TECPR2: variants seen among roughly 807,000 people sequenced by gnomAD.
The protein encoded by TECPR2 is tectonin beta-propeller repeat containing 2.
A neutral mutation model predicts 138.1 loss-of-function variants in TECPR2; 65 were observed. The observed-to-expected ratio is 0.47, with a 90% CI of 0.39 to 0.58. The LOEUF is 0.58. Among genes scored for constraint, TECPR2 ranks in the 20% least tolerant of loss-of-function variants. The probability of loss-of-function intolerance (pLI) is 0.00; values close to 1 mark genes in which losing one functional copy is unlikely to be tolerated. For missense variants in TECPR2, 1,553 were observed against 1,824.5 expected, an observed-to-expected ratio of 0.85 and a Z score of 2.71; for synonymous variants, 746 against 749.8, an observed-to-expected ratio of 0.99 and a Z score of 0.08.
At chr14:102,459,746 C>T (rs1023007438) in intron 16 of TECPR2, among the ~76,000 whole-genome samples, 2 of 151,928 alleles carry the variant, frequency 1.3e-5, no homozygotes, top group Non-Finnish European at 2.9e-5. Context: ...GGGAACAGAG[C>T]GAGACTCCGT....
intron 17 of TECPR2, among the ~76,000 whole-genome samples, chr14:102,490,403 C>G (rs1040571757): frequency 2.0e-5 from 3 of 152,260 alleles, no homozygotes; most frequent in African/African-American, 7.2e-5. Context: ...AGAGCCCCAG[C>G]AGGCAGGACT....
chr14:102,419,213 G>T lies in TECPR2; in HGVS notation c.638+4420G>T, dbSNP rs547623623. ...GGACATAGCAGCTGCTGCGAGACCG[G>T]GGGCTGAGGCAGCTTCGACGGGCCT... On this transcript the variant is annotated intron_variant, in intron 5 of 19. Coordinates refer to ENST00000359520, the MANE Select transcript of TECPR2 (RefSeq NM_014844.5). This position sits in a 1 kb window ranked among gnomAD's most constrained non-coding sequence, Gnocchi z 4.8. Among the ~76,000 whole-genome samples the T allele has an allele frequency of 6.6e-6, 1 of 152,232 alleles. No individual in the cohort carries two copies. Among genetic ancestry groups the T allele is most frequent in the African/African-American group, 2.4e-5 (1 of 41,532 alleles).
At chr14:102,416,448 C>A (rs1404432657) in intron 5 of TECPR2, among the ~76,000 whole-genome samples, 1 of 152,168 alleles carries the variant, frequency 6.6e-6, no homozygotes, top group African/African-American at 2.4e-5. Flanking sequence ...ATCCCATCAA[C>A]AATCTGGCCT....
intron 2 of TECPR2, among the ~76,000 whole-genome samples, chr14:102,406,496 A>C (rs144309671): frequency 6.6e-6 from 1 of 151,992 alleles, no homozygotes; most frequent in Non-Finnish European, 1.5e-5. Context: ...CAGTGAGCCA[A>C]GGTGGCGCCA....
At chr14:102,372,247 A>G (rs1887524920) in intron 1 of TECPR2, among the ~76,000 whole-genome samples, 1 of 151,108 alleles carries the variant, frequency 6.6e-6, no homozygotes, top group Non-Finnish European at 1.5e-5. Context: ...TACTGCACCC[A>G]GCTGCCTTTG....
chr14:102,404,259 A>G (rs1888586017), intron 2 of TECPR2, among the ~76,000 whole-genome samples: 1 of 152,072 alleles, frequency 6.6e-6, no homozygotes, highest in Non-Finnish European at 1.5e-5. Flanking sequence ...AAGTTAATTC[A>G]ATACAATTTC....
intron 2 of TECPR2, among the ~76,000 whole-genome samples, chr14:102,404,658 C>A (rs1021512923): frequency 6.6e-6 from 1 of 151,344 alleles, no homozygotes; most frequent in Admixed American, 6.6e-5. Flanking sequence ...CTCACTGCAA[C>A]CTCCACCTCC....
At chr14:102,405,645 A>G (rs1378594078) in intron 2 of TECPR2, among the ~76,000 whole-genome samples, 1 of 152,224 alleles carries the variant, frequency 6.6e-6, no homozygotes, top group Non-Finnish European at 1.5e-5. Flanking sequence ...TAGAATTACC[A>G]TATGATACCA....
intron 2 of TECPR2, among the ~76,000 whole-genome samples, chr14:102,382,262 C>G (rs1027847536): frequency 1.3e-5 from 2 of 151,248 alleles, no homozygotes; most frequent in African/African-American, 4.9e-5. Flanking sequence ...CATTGCACTC[C>G]AGCCTGGGCA....
chr14:102,408,412 A>G, intron 3 of TECPR2, 76 bp from the exon 4 acceptor site: 1 of 1,489,590 alleles, frequency 6.7e-7, no homozygotes, highest in Non-Finnish European at 9.0e-7. Flanking sequence ...GTGATTGTAT[A>G]CCTTTTCCAT....
intron 7 of TECPR2, among the ~76,000 whole-genome samples, chr14:102,430,613 G>A (rs1247159490): frequency 9.2e-5 from 14 of 152,326 alleles, no homozygotes; most frequent in African/African-American, 3.4e-4. Context: ...GTGGTCTTGT[G>A]TTGAGGGTAC....
At chr14:102,446,497 G>A (rs2139747368) in intron 13 of TECPR2, among the ~76,000 whole-genome samples, 1 of 152,272 alleles carries the variant, frequency 6.6e-6, no homozygotes, top group Middle Eastern at 3.4e-3. Flanking sequence ...TACTCGGAAG[G>A]CTGAGGTGGG....
chr14:102,480,985 C>T (rs1475610822), intron 17 of TECPR2, among the ~76,000 whole-genome samples: 6 of 149,978 alleles, frequency 4.0e-5, no homozygotes, highest in African/African-American at 1.5e-4. Flanking sequence ...GCTGGGAGTA[C>T]AGGCACCCGC....
intron 2 of TECPR2, among the ~76,000 whole-genome samples, chr14:102,384,711 G>A (rs1217050680): frequency 1.3e-5 from 2 of 149,492 alleles, no homozygotes; most frequent in South Asian, 2.1e-4. Flanking sequence ...GTGTGTGTGT[G>A]TGTATATATA....
intron 17 of TECPR2, among the ~76,000 whole-genome samples, chr14:102,471,780 A>G (rs1401185496): frequency 3.3e-5 from 5 of 152,044 alleles, no homozygotes; most frequent in African/African-American, 4.8e-5. Flanking sequence ...AGGTTTGTCA[A>G]TTTTGTTGCT....
chr14:102,482,992 C>T (rs1246225069), intron 17 of TECPR2, among the ~76,000 whole-genome samples: 10 of 151,170 alleles, frequency 6.6e-5, no homozygotes, highest in African/African-American at 1.7e-4. Context: ...TACAGGCGCC[C>T]GCTACCACGC....
intron 2 of TECPR2, among the ~76,000 whole-genome samples, chr14:102,405,382 A>G (rs1275153179): frequency 6.6e-6 from 1 of 152,206 alleles, no homozygotes; most frequent in Non-Finnish European, 1.5e-5. Context: ...ACTTGAATAG[A>G]TGTTTCCCCA....
At chr14:102,380,060 C>T (rs887680556) in intron 2 of TECPR2, among the ~76,000 whole-genome samples, 6 of 149,250 alleles carry the variant, frequency 4.0e-5, no homozygotes, top group Non-Finnish European at 8.9e-5. Flanking sequence ...CTGAAGATCA[C>T]AGTCTTAAAA....
chr14:102,447,950 T>C (rs1801633471), intron 13 of TECPR2, among the ~76,000 whole-genome samples: 1 of 152,190 alleles, frequency 6.6e-6, no homozygotes, highest in South Asian at 2.1e-4. Flanking sequence ...CAGATGAGAA[T>C]GTAGAAAAAT....
Sources: gnomAD v4.1 joint callset for allele counts (sites outside exome capture counted in the v4.1 genomes callset) on GRCh38, gnomAD v4.1.1 for gene constraint, Gnocchi (gnomAD v3.1) non-coding constraint, MANE v1.5 for transcripts, NCBI Gene and HGNC (gene_info 2026-07-23, HGNC 2026-07-21) for gene names.